NRDE2: variants seen among roughly 807,000 people sequenced by gnomAD.
NRDE2 encodes NRDE-2, necessary for RNA interference, domain containing.
A neutral mutation model predicts 124.2 loss-of-function variants in NRDE2; 76 were observed. The observed-to-expected ratio is 0.61, with a 90% confidence interval of 0.51 to 0.74. The LOEUF is 0.74. NRDE2 is among the 30% of genes least tolerant of loss of function. The pLI is 0.00. For synonymous variants in NRDE2, 489 were observed against 528.1 expected (o/e 0.93, Z 1.01); for missense variants, 1,314 against 1,417.3 (o/e 0.93, Z 1.17).
chr14:90,330,210 A>AAAAAAAAAAAAT (rs1555362749), intron 1 of NRDE2, among the ~76,000 whole-genome samples: 1 of 116,068 alleles, frequency 8.6e-6, no homozygotes, highest in East Asian at 2.1e-4. Context: ...TGGTCTCAAA[A>AAAAAAAAAAAAT]AAAAAAATAA....
In NRDE2 at chr14:90,269,284, T is replaced by C. The variant is rs1053728808; in HGVS notation, c.*9052A>G. On this transcript the variant is annotated 3_prime_UTR_variant, in exon 14 of 14. Coordinates refer to ENST00000354366, the MANE Select transcript of NRDE2 (RefSeq NM_017970.4). ...CATAATTGAGGGAGTGCCATGTGAG[T>C]TGAAACAGGAATGTTTGTTAAGGTG... is the stretch of plus-strand genomic sequence containing the variant. 3.2e-6 allele frequency: 3 copies of C among 927,952 alleles called. No homozygotes were observed. The highest frequency in any genetic ancestry group is 4.8e-6 in the Non-Finnish European group (3 of 627,620). 57.5% of individuals were successfully genotyped at this position (927,952 alleles called of 1,614,324 possible). A position where few individuals can be genotyped will look rare whatever the true frequency, so the allele number is the denominator to read the frequency against.
intron 1 of NRDE2, among the ~76,000 whole-genome samples, chr14:90,329,954 C>A (rs1595082198): frequency 6.6e-6 from 1 of 151,654 alleles, no homozygotes; most frequent in Non-Finnish European, 1.5e-5. Flanking sequence ...CAACTGTAAT[C>A]CCAGCACTTT....
In NRDE2 at chr14:90,290,607, C is replaced by A. The variant is rs1345640922; in HGVS notation, c.1843G>T (p.Val615Leu). 1.3e-6 allele frequency: 2 copies of A among 1,592,680 alleles called. No individual in the cohort carries two copies. Among genetic ancestry groups the A allele is most frequent in the Non-Finnish European group, 1.7e-6 (2 of 1,171,372 alleles). ...GATTGCCCAATATCATCAAACAACA[C>A]CTGCAACAAAGACAAAATAAAGCGA... is the stretch of plus-strand genomic sequence containing the variant. ...EEDCEDPERQ[V>L]LFDDIGQSLI... Residue 615 changes from valine (V) to leucine (L), a missense_variant and splice_region_variant, in exon 10 of 14, where the codon GTG (valine) becomes TTG (leucine). Physicochemically the swap from Val to Leu is conservative, Grantham distance 32. Coordinates refer to ENST00000354366, the MANE Select transcript of NRDE2 (RefSeq NM_017970.4).
intron 1 of NRDE2, among the ~76,000 whole-genome samples, chr14:90,327,777 C>T (rs901814913): frequency 7.9e-5 from 12 of 152,136 alleles, no homozygotes; most frequent in African/African-American, 2.4e-4. Context: ...GCAGGTGGAT[C>T]GCTTGAGGTC....
intron 12 of NRDE2, among the ~76,000 whole-genome samples, chr14:90,282,880 C>T (rs1415319850): frequency 3.9e-5 from 6 of 152,052 alleles, no homozygotes; most frequent in African/African-American, 9.7e-5. Flanking sequence ...TTGGCCAGGC[C>T]GGTCTCGAAC....
At chr14:90,326,604 A>T (rs1885450251) in intron 1 of NRDE2, among the ~76,000 whole-genome samples, 1 of 152,106 alleles carries the variant, frequency 6.6e-6, no homozygotes, top group Non-Finnish European at 1.5e-5. Context: ...GTTAGTCTGC[A>T]GGGGAAGGAA....
intron 7 of NRDE2, among the ~76,000 whole-genome samples, chr14:90,299,756 CTT>C (rs1389682192): frequency 6.6e-6 from 1 of 152,128 alleles, no homozygotes; most frequent in Non-Finnish European, 1.5e-5. Context: ...TACGCTCCCT[CTT>C]TAGAGGTCTG....
intron 2 of NRDE2, among the ~76,000 whole-genome samples, chr14:90,317,217 A>G (rs375361658): frequency 2.0e-5 from 3 of 152,186 alleles, no homozygotes; most frequent in African/African-American, 7.2e-5. Flanking sequence ...AGTTTGAGAC[A>G]AGCCTGGGCA....
intron 4 of NRDE2, among the ~76,000 whole-genome samples, chr14:90,308,069 T>C (rs1162104246): frequency 2.0e-5 from 3 of 152,190 alleles, no homozygotes; most frequent in South Asian, 2.1e-4. Flanking sequence ...CATAAGTCCT[T>C]AGAAGAGTGT....
At chr14:90,326,576 C>A (rs958756585) in intron 1 of NRDE2, among the ~76,000 whole-genome samples, 7 of 150,794 alleles carry the variant, frequency 4.6e-5, no homozygotes, top group Non-Finnish European at 1.0e-4. Flanking sequence ...TGGGAGGATA[C>A]CATGGGCTAA....
chr14:90,308,764 T>A (rs762472074), intron 4 of NRDE2, among the ~76,000 whole-genome samples: 8 of 152,164 alleles, frequency 5.3e-5, no homozygotes, highest in Non-Finnish European at 7.3e-5. Context: ...GAGTTGTTGT[T>A]CAGTTGCAGT....
chr14:90,295,713 T>C (rs939300931), intron 8 of NRDE2, among the ~76,000 whole-genome samples: 4 of 152,202 alleles, frequency 2.6e-5, no homozygotes, highest in African/African-American at 9.7e-5. Context: ...CGCTAACCTT[T>C]CAGGGTAAAT....
Position 90,270,112 on chromosome 14 carries a change from T to A in NRDE2, c.*8224A>T, listed in dbSNP as rs1241000300. The stretch of plus-strand genomic sequence containing the variant: ...AATTCTGTCCGACTGAAACTTCGTA[T>A]GTAAGGAGATGGGCTGAGGCCTCTG... On this transcript the variant is annotated 3_prime_UTR_variant, in exon 14 of 14. Coordinates refer to ENST00000354366, the MANE Select transcript of NRDE2 (RefSeq NM_017970.4). The A allele has an allele frequency of 2.1e-6, 3 of 1,399,254 alleles. No homozygotes were observed. The highest frequency in any genetic ancestry group is 2.9e-6 in the Non-Finnish European group (3 of 1,025,994). The allele number at this position is 1,399,254 out of a possible 1,614,324, so 86.7% of individuals were successfully genotyped here.
chr14:90,288,565 G>A lies in NRDE2; in HGVS notation c.2810C>T (p.Ser937Phe). 6.2e-7 allele frequency: 1 copy of A among 1,614,148 alleles called. No individual in the cohort carries two copies. ...CTCGCCAGAGCCTTCTGGGAAAACA[G>A]AACTGTTCAGTTTTGCAAACACCTG... ...YEQVFAKLNS[S>F]VFPEGSGEGD... The change falls in exon 11 of 14, where the codon TCT becomes TTT. Residue 937 changes from serine to phenylalanine, a missense_variant. Coordinates refer to ENST00000354366, the MANE Select transcript of NRDE2 (RefSeq NM_017970.4).
At chr14:90,326,818 T>C (rs534806802) in intron 1 of NRDE2, among the ~76,000 whole-genome samples, 1 of 152,292 alleles carries the variant, frequency 6.6e-6, no homozygotes, top group East Asian at 1.9e-4. Context: ...TTTCAAGTGA[T>C]TTTCAAACTC....
Position 90,288,746 on chromosome 14 carries a change from C to A in NRDE2, c.2629G>T (p.Ala877Ser), listed in dbSNP as rs370230886. The A allele has an allele frequency of 8.9e-5, 144 of 1,614,004 alleles. No individual in the cohort carries two copies. The highest frequency in any genetic ancestry group is 1.6e-4 in the Middle Eastern group (1 of 6,084). The change falls in exon 11 of 14, where the codon GCT becomes TCT. Residue 877 changes from alanine to serine, a missense_variant. Physicochemically the swap from Ala to Ser is moderately conservative, Grantham distance 99. Transcript: ENST00000354366. Reference protein sequence around the residue: ...LAVHILKARKAYEHALQDCLG... With the variant: ...LAVHILKARKSYEHALQDCLG... Reference sequence around the variant, plus strand: ...CAGTCCTGCAGTGCGTGCTCATAAGCCTTTCGCGCTTTCAAAATGTGAACA... The same window carrying A: ...CAGTCCTGCAGTGCGTGCTCATAAGACTTTCGCGCTTTCAAAATGTGAACA...
rs76885442 is a variant in NRDE2 at position 90,321,976 on chromosome 14, T to C, written c.65-3863A>G. Among the ~76,000 whole-genome samples, 1,108 of 152,206 alleles carry C rather than the reference T, an allele frequency of 7.3e-3. 20 individuals are homozygous for C. The highest frequency in any genetic ancestry group is 0.025 in the African/African-American group (1,056 of 41,528). On this transcript the variant is annotated intron_variant, in intron 1 of 13. Transcript: ENST00000354366. ...AGCCTGGACACCACCTCCTCCCCTA[T>C]AGACCAACAGCTGGAGGCCCAGCTG...
chr14:90,270,273 G>C lies in NRDE2; in HGVS notation c.*8063C>G. 2 of 1,613,704 alleles carry C rather than the reference G, an allele frequency of 1.2e-6. No homozygotes were observed. Among genetic ancestry groups the C allele is most frequent in the Non-Finnish European group, 1.7e-6 (2 of 1,179,894 alleles). On this transcript the variant is annotated 3_prime_UTR_variant, in exon 14 of 14. Transcript: ENST00000354366. ...AAGCGCATCTTTCAGATTCACACAAGCAGGATGACGCTGGCTGATGATGTA... is the reference window on the plus strand; with the variant it reads ...AAGCGCATCTTTCAGATTCACACAACCAGGATGACGCTGGCTGATGATGTA...
chr14:90,270,441 C>T lies in NRDE2; in HGVS notation c.*7895G>A, dbSNP rs1441732002. 6 of 1,420,064 alleles carry T rather than the reference C, an allele frequency of 4.2e-6. No homozygotes were observed. The highest frequency in any genetic ancestry group is 5.7e-6 in the Non-Finnish European group (6 of 1,061,490). 88.0% of individuals were successfully genotyped at this position (1,420,064 alleles called of 1,614,324 possible). ...ATGTGCTCTTGGGATGGTGGTTGGC[C>T]TGGACAGGTGGGTGTCTGTATTTTA... On this transcript the variant is annotated 3_prime_UTR_variant, in exon 14 of 14. Coordinates refer to ENST00000354366, the MANE Select transcript of NRDE2 (RefSeq NM_017970.4).
Sources: gnomAD v4.1 joint callset for allele counts (sites outside exome capture counted in the v4.1 genomes callset) on GRCh38, gnomAD v4.1.1 for gene constraint, MANE v1.5 for transcripts, NCBI Gene and HGNC (gene_info 2026-07-23, HGNC 2026-07-21) for gene names.